The following HEPH variants were observed in gnomAD, a reference collection of about 807,000 sequenced individuals.
The protein encoded by HEPH is hephaestin.
Under a neutral mutation model 80.8 loss-of-function variants are expected in HEPH, and 69 were observed. The observed-to-expected ratio is 0.85, with a 90% CI of 0.70 to 1.04. The LOEUF (loss-of-function observed/expected upper bound fraction) is 1.04. HEPH is among the 50% of genes least tolerant of loss of function. The pLI, the probability that HEPH is intolerant of heterozygous loss-of-function variation, is 0.00. For missense variants in HEPH, 1,115 were observed against 891.3 expected (o/e 1.25, Z -3.20); for synonymous variants, 431 against 322.8 (o/e 1.34, Z -3.60).
intron 15 of HEPH, among the ~76,000 whole-genome samples, chrX:66,230,869 G>A (rs1278556193): frequency 2.1e-5 from 2 of 97,554 alleles, no homozygotes; most frequent in African/African-American, 7.5e-5. Flanking sequence ...TGTCCTGAAT[G>A]GTAATGCCTA....
In HEPH at chrX:66,266,746, A is replaced by G. The variant is rs2091553533; in HGVS notation, c.*74A>G. 1.5e-6 allele frequency: 1 copy of G among 659,816 alleles called. No individual in the cohort carries two copies. The highest frequency in any genetic ancestry group is 2.2e-5 in the African/African-American group (1 of 46,185). The allele number at this position is 659,816 out of a possible 1,213,427, so 54.4% of individuals were successfully genotyped here. A position where few individuals can be genotyped will look rare whatever the true frequency, so the allele number is the denominator to read the frequency against. ...CCAGCAGGCCATGGACTAGTCACTA[A>G]CCCCACACTCAAAGGGGCATGGGTG... On this transcript the variant is annotated 3_prime_UTR_variant, in exon 21 of 21. Coordinates refer to ENST00000343002, the MANE Select transcript of HEPH (RefSeq NM_001367233.3).
chrX:66,230,741 A>G (rs1241600252), intron 15 of HEPH, among the ~76,000 whole-genome samples: 1 of 106,521 alleles, frequency 9.4e-6, no homozygotes, highest in East Asian at 2.9e-4. Context: ...GTTCACTCTG[A>G]TGGTAGTTTC....
chrX:66,198,946 T>C lies in HEPH; in HGVS notation c.1782T>C (p.Asn594=). The change falls in exon 11 of 21, where the codon AAT becomes AAC. Residue 594 remains asparagine (N), a synonymous_variant. Coordinates refer to ENST00000343002, the MANE Select transcript of HEPH (RefSeq NM_001367233.3). ...VLDENKSWYS[N]ANQAAAMLDF... is the part of the protein sequence containing the mutation. ...ATGAGAACAAGAGCTGGTACAGCAATGCCAATCAAGCAGCTGCTATGTTGG... is the reference window on the plus strand; with the variant it reads ...ATGAGAACAAGAGCTGGTACAGCAACGCCAATCAAGCAGCTGCTATGTTGG... 1 of 1,206,342 alleles carries C rather than the reference T, an allele frequency of 8.3e-7. No homozygotes were observed. Among genetic ancestry groups the C allele is most frequent in the East Asian group, 3.0e-5 (1 of 33,827 alleles).
chrX:66,164,470 G>C lies in HEPH; in HGVS notation c.-14G>C. The C allele has an allele frequency of 1.3e-6, 1 of 753,704 alleles. No individual in the cohort carries two copies. The highest frequency in any genetic ancestry group is 6.7e-5 in the South Asian group (1 of 14,821). 62.1% of individuals were successfully genotyped at this position (753,704 alleles called of 1,213,427 possible). A position where few individuals can be genotyped will look rare whatever the true frequency, so the allele number is the denominator to read the frequency against. On this transcript the variant is annotated splice_region_variant and 5_prime_UTR_variant, in exon 1 of 21. Transcript: ENST00000343002. ...ATATGGAGTAGTTTTCTCTAGCAAA[G>C]GTAAGCTTTCTTTTCTCTCTTTTCA... is the stretch of plus-strand genomic sequence containing the variant.
At chrX:66,238,631 T>C (rs2090452292) in intron 15 of HEPH, among the ~76,000 whole-genome samples, 1 of 111,631 alleles carries the variant, frequency 9.0e-6, no homozygotes, top group East Asian at 2.8e-4. Flanking sequence ...GTCTGATGGG[T>C]GTCCTTTTGT....
At chrX:66,193,730 C>T (rs2087936109) in intron 8 of HEPH, 92 bp downstream of exon 8, 1 of 601,599 alleles carries the variant, frequency 1.7e-6, no homozygotes, top group Non-Finnish European at 2.5e-6. Context: ...CTTAGGAGCA[C>T]ATTGTAGACC....
At chrX:66,253,789 CA>C (rs780156653) in intron 15 of HEPH, among the ~76,000 whole-genome samples, 1 of 111,453 alleles carries the variant, frequency 9.0e-6, no homozygotes, top group Non-Finnish European at 1.9e-5. Context: ...ATATGTGCTA[CA>C]AAGGGGGTGG....
intron 15 of HEPH, among the ~76,000 whole-genome samples, chrX:66,245,239 C>T (rs2090757646): frequency 9.0e-6 from 1 of 111,105 alleles, no homozygotes; most frequent in Admixed American, 9.6e-5. Context: ...AAACCCATCT[C>T]ATGTGCAGAG....
At chrX:66,230,271 A>G (rs2090072019) in intron 15 of HEPH, among the ~76,000 whole-genome samples, 1 of 95,367 alleles carries the variant, frequency 1.0e-5, no homozygotes, top group East Asian at 3.2e-4. Flanking sequence ...CATGATTTAT[A>G]GTCATTTGGG....
intron 20 of HEPH, 104 bp downstream of exon 20, chrX:66,263,792 G>T (rs949777057): frequency 8.1e-6 from 6 of 744,871 alleles, no homozygotes; most frequent in African/African-American, 4.3e-5. Context: ...CTGAGAGTTA[G>T]AATACATCAG....
chrX:66,164,184 C>G, upstream of HEPH: 1 of 751,943 alleles, frequency 1.3e-6, no homozygotes, highest in Non-Finnish European at 1.6e-6. Context: ...TTGTAAAACA[C>G]CCGGATATGG....
At chrX:66,232,390 C>A (rs147362635) in intron 15 of HEPH, among the ~76,000 whole-genome samples, 45 of 111,706 alleles carry the variant, frequency 4.0e-4, no homozygotes, top group African/African-American at 1.4e-3. Flanking sequence ...CATACAGCTT[C>A]TCCTGTATTT....
In HEPH at chrX:66,266,851, ACTTTTT is replaced by A. The variant is rs1374185846; in HGVS notation, c.*184_*189del. The A allele has an allele frequency of 7.2e-6, 3 of 419,481 alleles. No individual in the cohort carries two copies. Among genetic ancestry groups the A allele is most frequent in the Non-Finnish European group, 1.2e-5 (3 of 244,011 alleles). The allele number at this position is 419,481 out of a possible 1,213,427, so 34.6% of individuals were successfully genotyped here. ...TTTTACATGGAAATAATATGATTTCACTTTTTCTTTAGTTTCTTTGCTCTACGTGGG... is the reference window on the plus strand; with the variant it reads ...TTTTACATGGAAATAATATGATTTCACTTTAGTTTCTTTGCTCTACGTGGG... On this transcript the variant is annotated 3_prime_UTR_variant, in exon 21 of 21. Transcript: ENST00000343002.
intron 7 of HEPH, among the ~76,000 whole-genome samples, chrX:66,193,156 A>G (rs1339493432): frequency 9.0e-6 from 1 of 111,058 alleles, no homozygotes; most frequent in Non-Finnish European, 1.9e-5. Context: ...GATGTAGACT[A>G]TGAATCTCTG....
intron 9 of HEPH, among the ~76,000 whole-genome samples, chrX:66,195,815 GC>G (rs1477888577): frequency 9.0e-6 from 1 of 111,523 alleles, no homozygotes. Flanking sequence ...ATATATCCTA[GC>G]TTGCATTTTG....
chrX:66,240,094 C>T (rs949572703), intron 15 of HEPH, among the ~76,000 whole-genome samples: 1 of 111,827 alleles, frequency 8.9e-6, no homozygotes, highest in Non-Finnish European at 1.9e-5. Flanking sequence ...ATGTTAAAGG[C>T]TCTAATAGAA....
chrX:66,262,123 G>A (rs1421623348), intron 19 of HEPH, among the ~76,000 whole-genome samples: 2 of 111,762 alleles, frequency 1.8e-5, no homozygotes, highest in African/African-American at 3.3e-5. Context: ...AACCCGCTAT[G>A]GCCTAATTTC....
At chrX:66,261,719 T>C (rs1016110516) in intron 19 of HEPH, among the ~76,000 whole-genome samples, 2 of 111,719 alleles carry the variant, frequency 1.8e-5, no homozygotes, top group Non-Finnish European at 3.8e-5. Context: ...CTGTTTACCC[T>C]TAGAGAGAGA....
In HEPH at chrX:66,201,019, G is replaced by A. The variant is rs781656394; in HGVS notation, c.2077+267G>A. 5.4e-5 allele frequency among the ~76,000 whole-genome samples: 6 copies of A among 111,606 alleles called. No individual in the cohort carries two copies. In the East Asian group the frequency reaches 8.5e-4, roughly 16 times the overall value. Reference sequence around the variant, plus strand: ...AGAAGGGAAGTTGGGATGTTGCTCAGCTTTAGTGAAGTTCTTATATGGCAG... The same window carrying A: ...AGAAGGGAAGTTGGGATGTTGCTCAACTTTAGTGAAGTTCTTATATGGCAG... On this transcript the variant is annotated intron_variant, in intron 12 of 20. Transcript: ENST00000343002.
Sources: allele counts gnomAD v4.1 joint callset (sites outside exome capture counted in the v4.1 genomes callset), GRCh38; gene constraint gnomAD v4.1.1; transcripts MANE v1.5; gene names NCBI Gene and HGNC (gene_info 2026-07-23, HGNC 2026-07-21).